The following MPZL3 variants were observed in gnomAD, a reference collection of about 807,000 sequenced individuals.
The protein encoded by MPZL3 is myelin protein zero-like protein 3.
A neutral mutation model predicts 24.8 loss-of-function variants in MPZL3; 23 were observed. The observed-to-expected ratio is 0.93, with a 90% CI of 0.67 to 1.31. The LOEUF is 1.31. Ranked by LOEUF, MPZL3 falls within the 40% of genes most tolerant of loss-of-function variation. The probability of loss-of-function intolerance (pLI) is 0.00; values close to 1 mark genes in which losing one functional copy is unlikely to be tolerated. For synonymous variants in MPZL3, 99 were observed against 106.5 expected, an observed-to-expected ratio of 0.93 and a Z score of 0.44; for missense variants, 277 against 294.9, an observed-to-expected ratio of 0.94 and a Z score of 0.44.
chr11:118,238,978 C>T (rs1190502466), intron 2 of MPZL3, among the ~76,000 whole-genome samples: 1 of 152,184 alleles, frequency 6.6e-6, no homozygotes, highest in African/African-American at 2.4e-5. Context: ...GTTCATGAAA[C>T]TCATATCCCT....
chr11:118,248,296 G>A (rs534518297), intron 1 of MPZL3, among the ~76,000 whole-genome samples: 6 of 152,056 alleles, frequency 3.9e-5, no homozygotes, highest in Admixed American at 3.9e-4. Flanking sequence ...TTACAGGCGT[G>A]AGCCACCGTG....
chr11:118,238,862 C>A (rs777905635), intron 2 of MPZL3, among the ~76,000 whole-genome samples: 1 of 152,138 alleles, frequency 6.6e-6, no homozygotes, highest in Non-Finnish European at 1.5e-5. Context: ...AGAATCCCTA[C>A]CACTAATTAT....
chr11:118,235,141 T>C (rs955562749), intron 4 of MPZL3, among the ~76,000 whole-genome samples: 1 of 152,176 alleles, frequency 6.6e-6, no homozygotes, highest in Non-Finnish European at 1.5e-5. Context: ...GAATGAAACA[T>C]TGACTTCAGA....
At position 118,229,742 on chromosome 11, in the gene MPZL3, T is replaced by C. The variant is rs1381348932; in HGVS notation, c.*152A>G. On this transcript the variant is annotated 3_prime_UTR_variant, in exon 6 of 6. Coordinates refer to ENST00000278949, the MANE Select transcript of MPZL3 (RefSeq NM_198275.3). ...ACAACAAGAACATTTATTCAATAAATAAGTGGTTCCTAAAGTCTTTACTGA... is the reference window on the plus strand; with the variant it reads ...ACAACAAGAACATTTATTCAATAAACAAGTGGTTCCTAAAGTCTTTACTGA... 1 of 607,610 alleles carries C rather than the reference T, an allele frequency of 1.6e-6. No individual in the cohort carries two copies. The highest frequency in any genetic ancestry group is 1.9e-5 in the African/African-American group (1 of 52,906). The allele number at this position is 607,610 out of a possible 1,614,324, so 37.6% of individuals were successfully genotyped here.
rs1235169156 is a variant in MPZL3 at position 118,228,177 on chromosome 11, G to C, written c.*1717C>G. On this transcript the variant is annotated 3_prime_UTR_variant, in exon 6 of 6. Coordinates refer to ENST00000278949, the MANE Select transcript of MPZL3 (RefSeq NM_198275.3). ...TGGACTAGGTTAACAGAAGAGGCTA[G>C]GCCAAATCTATGATACGGATCTAAC... The C allele has an allele frequency of 6.6e-6, 1 of 152,028 alleles. No homozygotes were observed. The highest frequency in any genetic ancestry group is 1.5e-5 in the Non-Finnish European group (1 of 68,012). 9.4% of individuals were successfully genotyped at this position (152,028 alleles called of 1,614,324 possible).
chr11:118,244,750 C>A (rs1220085325), intron 1 of MPZL3, among the ~76,000 whole-genome samples: 1 of 152,152 alleles, frequency 6.6e-6, no homozygotes, highest in Non-Finnish European at 1.5e-5. Context: ...TGGGACTGGG[C>A]AAGAAGAGAC....
At chr11:118,230,032 T>G (rs1949330852) in intron 5 of MPZL3, 112 bp from the exon 6 acceptor site, 1 of 891,752 alleles carries the variant, frequency 1.1e-6, no homozygotes, top group Admixed American at 2.4e-5. Context: ...ACAGCCACAG[T>G]GAAATGCCAC....
intron 1 of MPZL3, among the ~76,000 whole-genome samples, chr11:118,248,200 G>A (rs961879723): frequency 2.7e-5 from 4 of 149,018 alleles, no homozygotes; most frequent in African/African-American, 9.8e-5. Flanking sequence ...ATTTTTAGTA[G>A]AGACAGGGTT....
At chr11:118,245,172 G>A (rs1390670926) in intron 1 of MPZL3, among the ~76,000 whole-genome samples, 1 of 151,990 alleles carries the variant, frequency 6.6e-6, no homozygotes, top group Non-Finnish European at 1.5e-5. Context: ...GCAGAGGTGG[G>A]TGGATCACCT....
At chr11:118,240,495 C>T (rs1949480635) in intron 1 of MPZL3, 118 bp from the exon 2 acceptor site, 2 of 1,022,840 alleles carry the variant, frequency 2.0e-6, no homozygotes, top group East Asian at 3.1e-5. Context: ...ATATTAACAA[C>T]TATCTTCTCA....
At chr11:118,248,266 G>A (rs922734338) in intron 1 of MPZL3, among the ~76,000 whole-genome samples, 3 of 151,746 alleles carry the variant, frequency 2.0e-5, no homozygotes, top group Non-Finnish European at 4.4e-5. Context: ...CACCCGCCTC[G>A]GCCTCCCAAA....
rs1949377064 is a variant in MPZL3 at position 118,233,320 on chromosome 11, T to C, written c.681+140A>G. ...AGGGGTCCCCTGAGTCCAAAATGCT[T>C]TGGGGAAAGATGCTGGTTCATATCT... On this transcript the variant is annotated intron_variant, in intron 5 of 5. Coordinates refer to ENST00000278949, the MANE Select transcript of MPZL3 (RefSeq NM_198275.3). 1.3e-5 allele frequency: 12 copies of C among 910,946 alleles called. 1 individual carries two copies. The South Asian group carries it at 1.6e-4, about 12-fold the overall frequency. The allele number at this position is 910,946 out of a possible 1,614,324, so 56.4% of individuals were successfully genotyped here.
At position 118,252,273 on chromosome 11, in the gene MPZL3, C is replaced by T. The variant is rs1170601390; in HGVS notation, c.22G>A (p.Gly8Arg). The T allele has an allele frequency of 1.2e-6, 2 of 1,613,914 alleles. No individual in the cohort carries two copies. Among genetic ancestry groups the T allele is most frequent in the Admixed American group, 1.7e-5 (1 of 60,006 alleles). ...GGGAAGAGAGCGCAGCCACGGCTTCCAGCTGCTCCTCTCTGCTGCATCCCG... is the reference window on the plus strand; with the variant it reads ...GGGAAGAGAGCGCAGCCACGGCTTCTAGCTGCTCCTCTCTGCTGCATCCCG... MQQRGAAGSRGCALFPLL... is the reference protein window; with the variant it reads MQQRGAARSRGCALFPLL... Residue 8 changes from glycine to arginine, a missense_variant, in exon 1 of 6, where the codon GGA becomes AGA. Coordinates refer to ENST00000278949, the MANE Select transcript of MPZL3 (RefSeq NM_198275.3).
Position 118,229,793 on chromosome 11 carries a change from T to C in MPZL3, c.*101A>G, listed in dbSNP as rs147610208. 2.7e-3 allele frequency: 3,131 copies of C among 1,150,334 alleles called. 39 individuals carry two copies. Among genetic ancestry groups the C allele is most frequent in the South Asian group, 0.017 (1,332 of 77,108 alleles). The allele number at this position is 1,150,334 out of a possible 1,614,324, so 71.3% of individuals were successfully genotyped here. A position where few individuals can be genotyped will look rare whatever the true frequency, so the allele number is the denominator to read the frequency against. On this transcript the variant is annotated 3_prime_UTR_variant, in exon 6 of 6. Transcript: ENST00000278949. ...TGATCTCCAGGATTGTCCATCGCTA[T>C]GGTCCAGGCCAGCTCCACTTTCTCT...
rs1949311001 is a variant in MPZL3 at position 118,229,009 on chromosome 11, C to A, written c.*885G>T. 6.6e-6 allele frequency: 1 copy of A among 151,914 alleles called. No homozygotes were observed. Among genetic ancestry groups the A allele is most frequent in the Admixed American group, 6.6e-5 (1 of 15,248 alleles). The allele number at this position is 151,914 out of a possible 1,614,324, so 9.4% of individuals were successfully genotyped here. A position where few individuals can be genotyped will look rare whatever the true frequency, so the allele number is the denominator to read the frequency against. On this transcript the variant is annotated 3_prime_UTR_variant, in exon 6 of 6. Transcript: ENST00000278949. ...GGGTGTGGTGGCGCATGCCTGTAAT[C>A]CCAGCTACTCGAGAGGCTGAGGCAC...
chr11:118,252,092 G>T, intron 1 of MPZL3, 130 bp downstream of exon 1: 1 of 860,656 alleles, frequency 1.2e-6, no homozygotes, highest in Non-Finnish European at 1.9e-6. Context: ...CCAACGTCCC[G>T]CTCCCTCCCT....
intron 2 of MPZL3, 149 bp from the exon 3 acceptor site, chr11:118,237,409 A>G (rs1949440798): frequency 7.5e-6 from 5 of 667,344 alleles, no homozygotes; most frequent in African/African-American, 1.8e-5. Flanking sequence ...CCTCCATCCT[A>G]TAGGTTAATA....
chr11:118,236,999 C>T (rs1949433625), intron 3 of MPZL3, 51 bp downstream of exon 3: 4 of 1,526,314 alleles, frequency 2.6e-6, no homozygotes, highest in Non-Finnish European at 3.6e-6. Flanking sequence ...CCAGAAAGCA[C>T]CACAGCAGTC....
In MPZL3 at chr11:118,228,151, G is replaced by C. The variant is rs541652354; in HGVS notation, c.*1743C>G. The C allele has an allele frequency of 1.3e-5, 2 of 152,200 alleles. No individual in the cohort carries two copies. The highest frequency in any genetic ancestry group is 4.1e-4 in the South Asian group (2 of 4,824). 9.4% of individuals were successfully genotyped at this position (152,200 alleles called of 1,614,324 possible). ...TTCAACTAACCAGATTCGCTCATCT[G>C]TGGACTAGGTTAACAGAAGAGGCTA... is the stretch of plus-strand genomic sequence containing the variant. On this transcript the variant is annotated 3_prime_UTR_variant, in exon 6 of 6. Transcript: ENST00000278949.
Sources: allele counts gnomAD v4.1 joint callset (sites outside exome capture counted in the v4.1 genomes callset), GRCh38; gene constraint gnomAD v4.1.1; transcripts MANE v1.5; gene names NCBI Gene and HGNC (gene_info 2026-07-23, HGNC 2026-07-21).